DPYD: variants seen among roughly 807,000 people sequenced by gnomAD.
DPYD encodes dihydropyrimidine dehydrogenase.
Under a neutral mutation model 116.2 loss-of-function variants are expected in DPYD, and 109 were observed. The observed-to-expected ratio is 0.94, with a 90% CI of 0.80 to 1.10. The LOEUF (loss-of-function observed/expected upper bound fraction) is 1.10. DPYD is among the 50% of genes least tolerant of loss of function. DPYD has a pLI of 0.00. For synonymous variants in DPYD, 440 were observed against 432.0 expected (o/e 1.02, Z -0.23); for missense variants, 1,302 against 1,254.5 (o/e 1.04, Z -0.57).
chr1:97,491,316 T>C (rs1678963255), intron 13 of DPYD, among the ~76,000 whole-genome samples: 2 of 151,390 alleles, frequency 1.3e-5, no homozygotes, highest in Admixed American at 1.3e-4. Context: ...AGTTAATTCC[T>C]TCATGGTGCC....
chr1:97,323,711 TAC>T lies in DPYD; in HGVS notation c.2059-17416_2059-17415del, dbSNP rs200395887. On this transcript the variant is annotated intron_variant, in intron 16 of 22. Coordinates refer to ENST00000370192, the MANE Select transcript of DPYD (RefSeq NM_000110.4). ...ATGTGTATATATACACGTATATATATACACACACACATATATATACATATATA... is the reference window on the plus strand; with the variant it reads ...ATGTGTATATATACACGTATATATATACACACACATATATATACATATATA... Among the ~76,000 whole-genome samples, 763 of 145,450 alleles carry T rather than the reference TAC, an allele frequency of 5.2e-3. 24 individuals carry two copies. The highest frequency in any genetic ancestry group is 0.018 in the African/African-American group (722 of 39,308).
At chr1:97,691,638 A>C in intron 7 of DPYD, 79 bp downstream of exon 7, 1 of 1,208,986 alleles carries the variant, frequency 8.3e-7, no homozygotes, top group Non-Finnish European at 1.2e-6. Flanking sequence ...AAAATGCATG[A>C]CATTTGCTGT....
At chr1:97,495,979 A>G (rs1039353731) in intron 13 of DPYD, among the ~76,000 whole-genome samples, 1 of 152,138 alleles carries the variant, frequency 6.6e-6, no homozygotes, top group Admixed American at 6.6e-5. Context: ...GTTGGAGAAT[A>G]AAAGTACCTA....
In DPYD at chr1:97,763,143, C is replaced by G. The variant is rs181793178; in HGVS notation, c.234-22664G>C. Among the ~76,000 whole-genome samples the G allele has an allele frequency of 1.6e-3, 238 of 152,148 alleles. 2 individuals carry two copies. The highest frequency in any genetic ancestry group is 5.3e-3 in the African/African-American group (221 of 41,548). On this transcript the variant is annotated intron_variant, in intron 3 of 22. Transcript: ENST00000370192. ...AACACCTCCATTGTGCCTTACTTTT[C>G]TGTTTATATATTTGATTAAACTAAT...
chr1:97,663,791 AG>A (rs1659400757), intron 8 of DPYD, among the ~76,000 whole-genome samples: 1 of 152,188 alleles, frequency 6.6e-6, no homozygotes, highest in African/African-American at 2.4e-5. Flanking sequence ...TGAAAACTCT[AG>A]CAAGAATATA....
At chr1:97,086,784 T>C (rs1331511449) in intron 21 of DPYD, among the ~76,000 whole-genome samples, 1 of 152,158 alleles carries the variant, frequency 6.6e-6, no homozygotes, top group Non-Finnish European at 1.5e-5. Flanking sequence ...TAAACCATTG[T>C]AGGTCAGGAC....
intron 16 of DPYD, among the ~76,000 whole-genome samples, chr1:97,341,276 C>T (rs1476591996): frequency 6.6e-6 from 1 of 151,752 alleles, no homozygotes; most frequent in Admixed American, 6.6e-5. Context: ...ACTACATATA[C>T]ATGCGGACAT....
chr1:97,341,829 T>G (rs1342331728), intron 16 of DPYD, among the ~76,000 whole-genome samples: 1 of 152,214 alleles, frequency 6.6e-6, no homozygotes, highest in Non-Finnish European at 1.5e-5. Flanking sequence ...TTCAGTGTTG[T>G]CCTGGAGTCG....
chr1:97,654,653 T>C (rs923134699), intron 8 of DPYD, among the ~76,000 whole-genome samples: 11 of 152,226 alleles, frequency 7.2e-5, no homozygotes, highest in Middle Eastern at 3.4e-3. Context: ...CATTGTTCTA[T>C]TTGTCAGAAA....
At chr1:97,883,161 G>T in intron 2 of DPYD, 103 bp downstream of exon 2, 2 of 720,830 alleles carry the variant, frequency 2.8e-6, no homozygotes, top group Non-Finnish European at 2.4e-6. Context: ...TAAAATCACG[G>T]CTGTACTTTA....
intron 3 of DPYD, among the ~76,000 whole-genome samples, chr1:97,772,516 A>C (rs1007108923): frequency 2.0e-5 from 3 of 152,312 alleles, no homozygotes; most frequent in Admixed American, 1.3e-4. Flanking sequence ...TGAAGGCAGA[A>C]GTGTAATTTC....
intron 8 of DPYD, among the ~76,000 whole-genome samples, chr1:97,618,137 A>G (rs528283980): frequency 1.3e-4 from 20 of 152,116 alleles, no homozygotes; most frequent in Non-Finnish European, 2.2e-4. Flanking sequence ...TTTTTGTCAA[A>G]TTTCAATGAT....
In DPYD at chr1:97,597,964, T is replaced by A. The variant is rs181170335; in HGVS notation, c.851-2798A>T. Among the ~76,000 whole-genome samples the A allele has an allele frequency of 2.2e-3, 334 of 152,168 alleles. 4 individuals carry two copies. Among genetic ancestry groups the A allele is most frequent in the African/African-American group, 7.5e-3 (312 of 41,532 alleles). On this transcript the variant is annotated intron_variant, in intron 8 of 22. Transcript: ENST00000370192. ...ATGGATGTGAGATTTTTTAAAAATG[T>A]TAAAAAAATTACAAAATTATGAAAA...
chr1:97,554,902 A>C (rs1651580309), intron 11 of DPYD, among the ~76,000 whole-genome samples: 1 of 152,064 alleles, frequency 6.6e-6, no homozygotes. Flanking sequence ...TCTTTTCAGT[A>C]TATTGTATGT....
chr1:97,345,281 T>C (rs1004306499), intron 16 of DPYD, among the ~76,000 whole-genome samples: 1 of 151,966 alleles, frequency 6.6e-6, no homozygotes, highest in Admixed American at 6.6e-5. Context: ...AAACTGTCCA[T>C]AATATTTTTG....
chr1:97,208,318 C>T (rs1659805168), intron 19 of DPYD, among the ~76,000 whole-genome samples: 1 of 145,932 alleles, frequency 6.9e-6, no homozygotes, highest in Non-Finnish European at 1.5e-5. Flanking sequence ...CAGGGTCTCA[C>T]TCTGTTGCCT....
chr1:97,585,406 C>T (rs993192251), intron 10 of DPYD, among the ~76,000 whole-genome samples: 26 of 152,192 alleles, frequency 1.7e-4, no homozygotes, highest in Non-Finnish European at 1.5e-4. Flanking sequence ...TAGGGGCTCC[C>T]CTGGTACTAA....
intron 20 of DPYD, among the ~76,000 whole-genome samples, chr1:97,113,359 A>G (rs1651741547): frequency 6.6e-6 from 1 of 152,028 alleles, no homozygotes; most frequent in Admixed American, 6.6e-5. Context: ...TCAGAAAGGA[A>G]AGGTAAGAAA....
At chr1:97,453,721 A>G (rs189733030) in intron 13 of DPYD, among the ~76,000 whole-genome samples, 1 of 152,208 alleles carries the variant, frequency 6.6e-6, no homozygotes, top group Admixed American at 6.5e-5. Flanking sequence ...TTCTTTGTGT[A>G]TTATGAGTTA....
Sources: allele counts gnomAD v4.1 joint callset (sites outside exome capture counted in the v4.1 genomes callset), GRCh38; gene constraint gnomAD v4.1.1; transcripts MANE v1.5; gene names NCBI Gene and HGNC (gene_info 2026-07-23, HGNC 2026-07-21).